The following PITPNM3 variants were observed in gnomAD, a reference collection of about 807,000 sequenced individuals.
PITPNM3 encodes PITPNM family member 3, also known as membrane-associated phosphatidylinositol transfer protein 3.
Under a neutral mutation model 102.0 loss-of-function variants are expected in PITPNM3, and 26 were observed. That is an observed-to-expected ratio of 0.25 (90% confidence interval 0.19 to 0.35). PITPNM3 has a LOEUF of 0.35. PITPNM3 is among the 10% of genes least tolerant of loss of function. The pLI is 1.00. For synonymous variants in PITPNM3, 578 were observed against 558.6 expected (o/e 1.03, Z -0.49); for missense variants, 1,083 against 1,346.1 (o/e 0.80, Z 3.06).
In PITPNM3 at chr17:6,457,786, G is replaced by A; in HGVS notation, c.2491-64C>T. On this transcript the variant is annotated intron_variant, in intron 18 of 19. Coordinates refer to ENST00000262483, the MANE Select transcript of PITPNM3 (RefSeq NM_031220.4). The surrounding 1 kb of genome is among the most constrained non-coding windows in gnomAD (Gnocchi z 4.7). ...GCCCACCCCCTGGAAAGCCTTCCCA[G>A]GCCAACCCCAGGGGGCCCCTGCTTG... The A allele has an allele frequency of 6.5e-7, 1 of 1,547,406 alleles. No individual in the cohort carries two copies. Among genetic ancestry groups the A allele is most frequent in the Non-Finnish European group, 8.7e-7 (1 of 1,146,262 alleles).
chr17:6,511,659 A>G (rs972948901), intron 3 of PITPNM3, among the ~76,000 whole-genome samples: 2 of 152,200 alleles, frequency 1.3e-5, no homozygotes, highest in Non-Finnish European at 2.9e-5. Context: ...CCCAGGAGAA[A>G]GAAAACCATA....
intron 3 of PITPNM3, among the ~76,000 whole-genome samples, chr17:6,504,560 C>G (rs1423177802): frequency 6.6e-6 from 1 of 152,156 alleles, no homozygotes; most frequent in Non-Finnish European, 1.5e-5. Flanking sequence ...GAGTGTCCAG[C>G]TGGAATCTGG....
chr17:6,528,166 C>A (rs991399474), intron 2 of PITPNM3, among the ~76,000 whole-genome samples: 2 of 152,198 alleles, frequency 1.3e-5, no homozygotes, highest in Non-Finnish European at 2.9e-5. Context: ...TTGTAGTTCT[C>A]TTTGCCTCTC....
At position 6,455,115 on chromosome 17, in the gene PITPNM3, G is replaced by A; in HGVS notation, c.*223C>T. ...GCTTGCGGTCGCAGGCCCGTGGGAG[G>A]CAGCAGTGGCTGCACCGAGATCCCC... On this transcript the variant is annotated 3_prime_UTR_variant, in exon 20 of 20. Coordinates refer to ENST00000262483, the MANE Select transcript of PITPNM3 (RefSeq NM_031220.4). 1.7e-6 allele frequency: 1 copy of A among 576,682 alleles called. No homozygotes were observed. Among genetic ancestry groups the A allele is most frequent in the East Asian group, 3.2e-5 (1 of 31,318 alleles). 35.7% of individuals were successfully genotyped at this position (576,682 alleles called of 1,614,324 possible).
chr17:6,545,481 G>T (rs1197302857), intron 1 of PITPNM3, among the ~76,000 whole-genome samples: 1 of 152,112 alleles, frequency 6.6e-6, no homozygotes, highest in Non-Finnish European at 1.5e-5. Flanking sequence ...GCAGGTCCCT[G>T]GGGCTTGCCT....
At chr17:6,480,996 G>C (rs750370466) in intron 6 of PITPNM3, 1 of 152,274 alleles carries the variant, frequency 6.6e-6, no homozygotes, top group African/African-American at 2.4e-5. Flanking sequence ...GCTGCCCAGC[G>C]CTCAACCAGC....
chr17:6,482,637 C>A (rs977609709), intron 6 of PITPNM3, among the ~76,000 whole-genome samples: 4 of 152,144 alleles, frequency 2.6e-5, no homozygotes, highest in African/African-American at 7.2e-5. Context: ...AAGTTTGGGG[C>A]AGTCTTGTGG....
chr17:6,544,849 ACACACACACACACACT>A, intron 1 of PITPNM3, among the ~76,000 whole-genome samples: 1 of 96,240 alleles, frequency 1.0e-5, no homozygotes, highest in Admixed American at 1.2e-4. Context: ...TCATGCAGCC[ACACACACACACACACT>A]CACACACACA....
At chr17:6,521,495 GACAA>G (rs1214223094) in intron 3 of PITPNM3, 6 of 151,918 alleles carry the variant, frequency 3.9e-5, no homozygotes, top group African/African-American at 9.7e-5. Flanking sequence ...AAAATAACAA[GACAA>G]ACAATTGCAA....
intron 4 of PITPNM3, among the ~76,000 whole-genome samples, chr17:6,498,886 A>G (rs1255350290): frequency 2.0e-5 from 3 of 152,156 alleles, no homozygotes; most frequent in Admixed American, 2.0e-4. Context: ...CACTCCGGAA[A>G]TGGTCACTGT....
chr17:6,536,195 G>A (rs1030322494), intron 2 of PITPNM3, among the ~76,000 whole-genome samples: 3 of 152,124 alleles, frequency 2.0e-5, no homozygotes, highest in Non-Finnish European at 2.9e-5. Flanking sequence ...GGGAGGGAGA[G>A]GACAGAGACA....
Position 6,477,222 on chromosome 17 carries a change from C to T in PITPNM3, c.901-9G>A, listed in dbSNP as rs759072114. ...ACCGCGACTGGGGTGTCCTTTGGGA[C>T]CGAACAGGGGACAGGAGAGAAAAAG... On this transcript the variant is annotated splice_polypyrimidine_tract_variant and intron_variant, in intron 8 of 19. Transcript: ENST00000262483. The T allele has an allele frequency of 1.2e-5, 19 of 1,613,498 alleles. No homozygotes were observed. The highest frequency in any genetic ancestry group is 1.4e-5 in the Non-Finnish European group (16 of 1,179,734).
In PITPNM3 at chr17:6,478,035, C is replaced by T. The variant is rs764022152; in HGVS notation, c.840G>A (p.Ala280=). The change falls in exon 8 of 20, where the codon GCG becomes GCA. Residue 280 remains alanine, a synonymous_variant. Coordinates refer to ENST00000262483, the MANE Select transcript of PITPNM3 (RefSeq NM_031220.4). The surrounding 1 kb of genome is among the most constrained non-coding windows in gnomAD (Gnocchi z 4.4). ...LLAFDAICYS[A]GPSGDSPASS... The stretch of plus-strand genomic sequence containing the variant: ...TGGCAGGGCTGTCCCCTGAGGGCCC[C>T]GCACTGTAGCAGATGGCATCGAAGG... The T allele has an allele frequency of 8.1e-6, 13 of 1,613,600 alleles. No individual in the cohort carries two copies. Among genetic ancestry groups the T allele is most frequent in the African/African-American group, 5.3e-5 (4 of 74,928 alleles).
intron 14 of PITPNM3, among the ~76,000 whole-genome samples, chr17:6,466,392 C>G (rs187584248): frequency 5.1e-4 from 78 of 152,342 alleles, no homozygotes; most frequent in Non-Finnish European, 1.0e-3. Flanking sequence ...GTCGTGGGCC[C>G]TGCCCTGGAG....
In PITPNM3 at chr17:6,477,993, C is replaced by T. The variant is rs745471438; in HGVS notation, c.882G>A (p.Gly294=). The stretch of plus-strand genomic sequence containing the variant: ...GCTGTACCTGGGTGCTGCTGATGCT[C>T]CCCTTCCGGCTGCTGCTGGCAGGGC... ...GDSPASSSRK[G]SISSTQDTPV... Residue 294 remains glycine, a synonymous_variant, in exon 8 of 20, where the codon GGG becomes GGA. Transcript: ENST00000262483. 19 of 1,613,288 alleles carry T rather than the reference C, an allele frequency of 1.2e-5. No homozygotes were observed. Among genetic ancestry groups the T allele is most frequent in the Non-Finnish European group, 1.6e-5 (19 of 1,180,030 alleles).
intron 1 of PITPNM3, among the ~76,000 whole-genome samples, chr17:6,546,720 AC>A (rs1910036889): frequency 6.6e-6 from 1 of 152,220 alleles, no homozygotes; most frequent in Non-Finnish European, 1.5e-5. Flanking sequence ...TAAAGTCTGT[AC>A]AGGGCAGCTG....
intron 6 of PITPNM3, chr17:6,479,464 G>A (rs1905531202): frequency 6.6e-6 from 1 of 152,440 alleles, no homozygotes; most frequent in East Asian, 1.9e-4. Flanking sequence ...GTGCCTCCAA[G>A]TCACCTACCC....
rs953110209 is a variant in PITPNM3 at position 6,511,575 on chromosome 17, T to C, written c.227-8001A>G. Among the ~76,000 whole-genome samples the C allele has an allele frequency of 4.6e-5, 7 of 152,280 alleles. No individual in the cohort carries two copies. In the East Asian group the frequency reaches 7.7e-4, roughly 17 times the overall value. On this transcript the variant is annotated intron_variant, in intron 3 of 19. Transcript: ENST00000262483. ...TTCAAACTAATTAAAAATTTCAAGA[T>C]GGCGACAGTAGAGTAGAAAATCAAG...
intron 1 of PITPNM3, among the ~76,000 whole-genome samples, chr17:6,542,754 C>G (rs1033994456): frequency 6.6e-6 from 1 of 152,220 alleles, no homozygotes; most frequent in African/African-American, 2.4e-5. Context: ...AGGGTAAGCC[C>G]ACCTGAGGGG....
Sources: gnomAD v4.1 joint callset for allele counts (sites outside exome capture counted in the v4.1 genomes callset) on GRCh38, gnomAD v4.1.1 for gene constraint, Gnocchi (gnomAD v3.1) non-coding constraint, MANE v1.5 for transcripts, NCBI Gene and HGNC (gene_info 2026-07-23, HGNC 2026-07-21) for gene names.